The following FLNA variants were observed in gnomAD, a reference collection of about 807,000 sequenced individuals.
The protein encoded by FLNA is filamin A.
In FLNA, 7 loss-of-function variants were observed where a neutral mutation model predicts 157.6. The observed-to-expected ratio is 0.04, with a 90% CI of 0.03 to 0.08. The LOEUF (loss-of-function observed/expected upper bound fraction) is 0.08. Ranked by LOEUF, FLNA falls within the 10% of genes least tolerant of loss-of-function variation. The pLI is 1.00. For synonymous variants in FLNA, 1,103 were observed against 1,060.8 expected, an observed-to-expected ratio of 1.04 and a Z score of -0.77; for missense variants, 1,750 against 2,398.4, an observed-to-expected ratio of 0.73 and a Z score of 5.65.
rs1557177584 is a variant in FLNA at position 154,359,771 on chromosome X, C to T, written c.3940G>A (p.Asp1314Asn). 11 of 1,210,813 alleles carry T rather than the reference C, an allele frequency of 9.1e-6. No individual in the cohort carries two copies. The highest frequency in any genetic ancestry group is 8.9e-5 in the East Asian group (3 of 33,833). The change falls in exon 23 of 48, where the codon GAT becomes AAT. Residue 1314 changes from aspartate to asparagine, a missense_variant. By Grantham distance (23) the Asp-to-Asn change is conservative (BLOSUM62 1). Around this residue, in one of 5 missense-constraint regions of FLNA, gnomAD observed 970 missense variants for 1,302.6 expected, o/e 0.74. Transcript: ENST00000369850. ...GTGTACTCCACTTTGTACATGCCAT[C>T]GCCACGGTCCTGAACGTAGGTCTCC... ...LTETYVQDRG[D>N]GMYKVEYTPY... is the part of the protein sequence containing the mutation.
In FLNA at chrX:154,364,728, A is replaced by C; in HGVS notation, c.1829-9T>G. 8.3e-7 allele frequency: 1 copy of C among 1,208,558 alleles called. No homozygotes were observed. Among genetic ancestry groups the C allele is most frequent in the Middle Eastern group, 2.3e-4 (1 of 4,354 alleles). On this transcript the variant is annotated splice_polypyrimidine_tract_variant and intron_variant, in intron 12 of 47. Transcript: ENST00000369850. ...CCCTTCCACCGAGAAGCCTGACAAC[A>C]GCCACCAGTCCCCTCAGTGCCCTGG...
Position 154,358,180 on chromosome X carries a change from GC to G in FLNA, c.4755+18del, listed in dbSNP as rs2067676961. On this transcript the variant is annotated intron_variant, in intron 28 of 47. Coordinates refer to ENST00000369850, the MANE Select transcript of FLNA (RefSeq NM_001110556.2). ...CCGCCCAGGCCCCCCTGCCTCCCCTGCCTGTGCCCGGAGCTCACCGTGATCT... is the reference window on the plus strand; with the variant it reads ...CCGCCCAGGCCCCCCTGCCTCCCCTGCTGTGCCCGGAGCTCACCGTGATCT... The G allele has an allele frequency of 8.3e-7, 1 of 1,208,546 alleles. No homozygotes were observed.
At chrX:154,364,464 C>A in intron 13 of FLNA, 62 bp downstream of exon 13, 1 of 1,187,289 alleles carries the variant, frequency 8.4e-7, no homozygotes, top group Non-Finnish European at 1.1e-6. Flanking sequence ...GAGTGCCATC[C>A]CCACCAGACC....
chrX:154,368,241 C>A (rs2067778070), intron 2 of FLNA, 151 bp from the exon 3 acceptor site: 5 of 804,926 alleles, frequency 6.2e-6, no homozygotes, highest in Admixed American at 2.4e-5. Context: ...GTGGATGAGG[C>A]CCTCTCTGCC....
chrX:154,369,063 C>A (rs1311892916), intron 2 of FLNA, among the ~76,000 whole-genome samples: 1 of 112,601 alleles, frequency 8.9e-6, no homozygotes, highest in Non-Finnish European at 1.9e-5. Flanking sequence ...CAGCCTCCCC[C>A]ATAATCAGAC....
chrX:154,363,037 C>G (rs145606181), intron 15 of FLNA, among the ~76,000 whole-genome samples: 1,559 of 112,727 alleles, frequency 0.014, 22 homozygotes, highest in African/African-American at 0.049. Flanking sequence ...TCACCAAAGG[C>G]AAGCTCATCC....
chrX:154,371,198 A>G lies in FLNA; in HGVS notation c.48T>C (p.Ala16=), dbSNP rs2148122188. 2 of 1,195,783 alleles carry G rather than the reference A, an allele frequency of 1.7e-6. No individual in the cohort carries two copies. The highest frequency in any genetic ancestry group is 2.3e-6 in the Non-Finnish European group (2 of 888,406). ...SRAGQSAAGA[A]PGGGVDTRDA... is the part of the protein sequence containing the mutation. The stretch of plus-strand genomic sequence containing the variant: ...CCCGCGTGTCGACGCCGCCGCCCGG[A>G]GCCGCGCCTGCTGCGCTCTGGCCCG... The change falls in exon 2 of 48, where the codon GCT becomes GCC. Residue 16 remains alanine (A), a synonymous_variant. Coordinates refer to ENST00000369850, the MANE Select transcript of FLNA (RefSeq NM_001110556.2).
chrX:154,353,495 C>A (rs781800669), intron 36 of FLNA, 38 bp from the exon 37 acceptor site: 1 of 1,209,247 alleles, frequency 8.3e-7, no homozygotes, highest in African/African-American at 1.7e-5. Flanking sequence ...TGCGTCCAGC[C>A]ATGGGAGACC....
At chrX:154,353,869 G>A in intron 35 of FLNA, 46 bp downstream of exon 35, 2 of 1,208,833 alleles carry the variant, frequency 1.7e-6, no homozygotes, top group Non-Finnish European at 2.2e-6. Flanking sequence ...ACCCCGGTGA[G>A]GGCATCCCGG....
chrX:154,359,691 C>A, intron 23 of FLNA, 41 bp downstream of exon 23: 1 of 1,210,583 alleles, frequency 8.3e-7, no homozygotes, highest in Non-Finnish European at 1.1e-6. Context: ...GGCCACCCCA[C>A]CCACCCCGTC....
chrX:154,354,792 AC>A, intron 31 of FLNA, 32 bp downstream of exon 31: 1 of 1,210,175 alleles, frequency 8.3e-7, no homozygotes, highest in South Asian at 1.8e-5. Context: ...CCTGCCAGAC[AC>A]CCCTGCTGAC....
chrX:154,358,138 C>G, intron 28 of FLNA, 61 bp downstream of exon 28: 1 of 1,158,049 alleles, frequency 8.6e-7, no homozygotes, highest in Non-Finnish European at 1.2e-6. Flanking sequence ...ACCAGCCACC[C>G]GCAGCCCACA....
rs782412141 is a variant in FLNA at position 154,359,786 on chromosome X, C to T, written c.3925G>A (p.Val1309Ile). The T allele has an allele frequency of 4.1e-6, 5 of 1,209,238 alleles. No homozygotes were observed. The highest frequency in any genetic ancestry group is 1.8e-5 in the South Asian group (1 of 56,864). The change falls in exon 23 of 48, where the codon GTT (valine) becomes ATT (isoleucine). Residue 1309 changes from valine (V) to isoleucine (I), a missense_variant. Coordinates refer to ENST00000369850, the MANE Select transcript of FLNA (RefSeq NM_001110556.2). ...NPSGNLTETY[V>I]QDRGDGMYKV... ...TACATGCCATCGCCACGGTCCTGAA[C>T]GTAGGTCTCCGTCAGGTTGCCTGAG...
In FLNA at chrX:154,360,930, C is replaced by T. The variant is rs148410420; in HGVS notation, c.3208-343G>A. ...GGCATGGTGGCGGGCACCTGTAATCCCAGCTACTTGGGAGGCTGAGGCAGG... is the reference window on the plus strand; with the variant it reads ...GGCATGGTGGCGGGCACCTGTAATCTCAGCTACTTGGGAGGCTGAGGCAGG... On this transcript the variant is annotated intron_variant, in intron 21 of 47. Transcript: ENST00000369850. Among the ~76,000 whole-genome samples, 21,079 of 104,705 alleles carry T rather than the reference C, an allele frequency of 0.2. 1,783 individuals are homozygous for T. Among genetic ancestry groups the T allele is most frequent in the South Asian group, 0.54 (1,199 of 2,240 alleles). The allele number at this position is 104,705 out of a possible 115,157, so 90.9% of individuals were successfully genotyped here.
At chrX:154,357,948 G>A (rs1427931571) in intron 28 of FLNA, among the ~76,000 whole-genome samples, 1 of 112,497 alleles carries the variant, frequency 8.9e-6, no homozygotes, top group African/African-American at 3.2e-5. Context: ...GAATATTACA[G>A]GTGGGGAAAC....
rs782594761 is a variant in FLNA, at chrX:154,368,903, G to T, written c.374-813C>A. ...CACTTGCCACCTAACGGGCCTCTGG[G>T]CCTCGGCAGGCTCGCCACAGGGGAA... On this transcript the variant is annotated intron_variant, in intron 2 of 47. Coordinates refer to ENST00000369850, the MANE Select transcript of FLNA (RefSeq NM_001110556.2). Among the ~76,000 whole-genome samples, 18 of 112,936 alleles carry T rather than the reference G, an allele frequency of 1.6e-4. No individual in the cohort carries two copies. The East Asian group carries it at 5.0e-3, about 32-fold the overall frequency.
chrX:154,350,682 G>A (rs1329844828), intron 44 of FLNA: 2 of 424,175 alleles, frequency 4.7e-6, no homozygotes, highest in Non-Finnish European at 8.3e-6. Context: ...GTCTTTCCCT[G>A]TGGAGATGGC....
chrX:154,357,657 A>C, intron 28 of FLNA, 34 bp from the exon 29 acceptor site: 1 of 1,174,703 alleles, frequency 8.5e-7, no homozygotes. Context: ...CAGTTGGCCC[A>C]AGCCCGAGTA....
intron 31 of FLNA, 51 bp from the exon 32 acceptor site, chrX:154,354,762 C>A: frequency 8.3e-7 from 1 of 1,209,865 alleles, no homozygotes; most frequent in Non-Finnish European, 1.1e-6. Context: ...ACAGAGGGGC[C>A]CCAGGGGAAC....
Sources: allele counts gnomAD v4.1 joint callset (sites outside exome capture counted in the v4.1 genomes callset), GRCh38; gene constraint gnomAD v4.1.1; regional missense constraint gnomAD v4.1.1; transcripts MANE v1.5; gene names NCBI Gene and HGNC (gene_info 2026-07-23, HGNC 2026-07-21).